CDIN1: variants seen among roughly 807,000 people sequenced by gnomAD.
CDIN1 encodes CDAN1-interacting nuclease 1.
A neutral mutation model predicts 45.3 loss-of-function variants in CDIN1; 33 were observed. The observed-to-expected ratio is 0.73, with a 90% CI of 0.55 to 0.97. CDIN1 has a LOEUF of 0.97. Among genes scored for constraint, CDIN1 ranks in the 50% least tolerant of loss-of-function variants. CDIN1 has a pLI of 0.00. For synonymous variants in CDIN1, 118 were observed against 124.4 expected (o/e 0.95, Z 0.34); for missense variants, 303 against 339.4 (o/e 0.89, Z 0.84).
intron 10 of CDIN1, chr15:36,756,183 G>A: frequency 2.2e-6 from 1 of 454,144 alleles, no homozygotes; most frequent in Non-Finnish European, 4.4e-6. Flanking sequence ...GAAGAGAACT[G>A]TAATTATCTT....
chr15:36,800,909 GTATATATATATATATATATA>G (rs370036091), intron 10 of CDIN1, among the ~76,000 whole-genome samples: 693 of 22,422 alleles, frequency 0.031, 22 homozygotes, highest in Middle Eastern at 0.1. Flanking sequence ...GTGTGTGTGT[GTATATATATATATATATATA>G]TATATATATA....
chr15:36,750,388 C>G (rs1269624544), intron 10 of CDIN1, among the ~76,000 whole-genome samples: 1 of 152,140 alleles, frequency 6.6e-6, no homozygotes, highest in African/African-American at 2.4e-5. Context: ...CTCTAGGAAA[C>G]TGAAAGCATT....
At chr15:36,650,900 T>C (rs957933546) in intron 3 of CDIN1, among the ~76,000 whole-genome samples, 1 of 151,976 alleles carries the variant, frequency 6.6e-6, no homozygotes, top group East Asian at 1.9e-4. Context: ...CTATCTCTAC[T>C]AAAAGCACAA....
chr15:36,692,224 CAGT>C (rs1193275897), intron 7 of CDIN1, 49 bp downstream of exon 7: 1 of 1,542,710 alleles, frequency 6.5e-7, no homozygotes. Flanking sequence ...AGCTTAGACT[CAGT>C]GGAGATGTGT....
intron 3 of CDIN1, among the ~76,000 whole-genome samples, chr15:36,650,341 A>G (rs985434546): frequency 9.9e-5 from 15 of 152,214 alleles, no homozygotes; most frequent in African/African-American, 3.6e-4. Context: ...AGCTGTGTCT[A>G]TTTATATACA....
At chr15:36,590,471 T>C (rs1331608614) in intron 1 of CDIN1, among the ~76,000 whole-genome samples, 2 of 152,116 alleles carry the variant, frequency 1.3e-5, no homozygotes, top group Non-Finnish European at 2.9e-5. Flanking sequence ...TTCAATGAAA[T>C]ATGTAAGTAC....
At chr15:36,784,500 A>G (rs2054437358) in intron 10 of CDIN1, among the ~76,000 whole-genome samples, 2 of 152,240 alleles carry the variant, frequency 1.3e-5, no homozygotes, top group African/African-American at 4.8e-5. Flanking sequence ...AAAAGGTGTA[A>G]TAATCACTGG....
intron 1 of CDIN1, chr15:36,614,084 G>C (rs1331359670): frequency 1.1e-5 from 10 of 882,476 alleles, no homozygotes; most frequent in Middle Eastern, 2.2e-4. Flanking sequence ...TGAGTTTGCT[G>C]AGAGATCGGT....
Position 36,700,968 on chromosome 15 carries a change from G to T in CDIN1, c.544+3578G>T, listed in dbSNP as rs147740625. On this transcript the variant is annotated intron_variant, in intron 8 of 10. Transcript: ENST00000566621. ...ACCTGTAGTACCAGCTACTTGGGAGGCCAAAGTGGCAGGATCACTTAAGCC... is the reference window on the plus strand; with the variant it reads ...ACCTGTAGTACCAGCTACTTGGGAGTCCAAAGTGGCAGGATCACTTAAGCC... Among the ~76,000 whole-genome samples, 931 of 152,014 alleles carry T rather than the reference G, an allele frequency of 6.1e-3. 17 individuals are homozygous for T. Among genetic ancestry groups the T allele is most frequent in the Admixed American group, 0.042 (641 of 15,250 alleles).
chr15:36,788,696 T>C (rs1002560050), intron 10 of CDIN1, among the ~76,000 whole-genome samples: 1 of 76,860 alleles, frequency 1.3e-5, no homozygotes, highest in African/African-American at 3.0e-5. Context: ...TATATCAAAT[T>C]TGTAGCATTT....
chr15:36,695,006 T>A (rs1243119148), intron 7 of CDIN1, among the ~76,000 whole-genome samples: 1 of 152,208 alleles, frequency 6.6e-6, no homozygotes, highest in Non-Finnish European at 1.5e-5. Flanking sequence ...TAAAAATGTG[T>A]TCCTTTATTT....
intron 10 of CDIN1, among the ~76,000 whole-genome samples, chr15:36,782,910 C>T (rs1656105130): frequency 6.6e-6 from 1 of 152,272 alleles, no homozygotes; most frequent in Non-Finnish European, 1.5e-5. Context: ...GCCAGCCAGA[C>T]ATGGTGGACT....
At chr15:36,582,521 T>G (rs2037095146) in intron 1 of CDIN1, among the ~76,000 whole-genome samples, 1 of 152,236 alleles carries the variant, frequency 6.6e-6, no homozygotes, top group African/African-American at 2.4e-5. Flanking sequence ...TGTTTTATGC[T>G]CAGGAGCTGG....
intron 10 of CDIN1, among the ~76,000 whole-genome samples, chr15:36,785,100 T>C (rs570090098): frequency 1.4e-4 from 22 of 152,316 alleles, no homozygotes; most frequent in African/African-American, 5.3e-4. Flanking sequence ...AAAGGGCCTC[T>C]GTGGTTCTTA....
chr15:36,795,294 A>G (rs918616802), intron 10 of CDIN1, among the ~76,000 whole-genome samples: 6 of 152,258 alleles, frequency 3.9e-5, no homozygotes, highest in African/African-American at 1.4e-4. Context: ...GAGAAAACCT[A>G]AAGTGTTCCT....
At chr15:36,636,836 G>A (rs1299946041) in intron 1 of CDIN1, among the ~76,000 whole-genome samples, 2 of 152,174 alleles carry the variant, frequency 1.3e-5, no homozygotes, top group African/African-American at 4.8e-5. Context: ...CATTGAGGAG[G>A]CAGCATGGTT....
At chr15:36,596,139 AAAT>A (rs2037819005) in intron 1 of CDIN1, among the ~76,000 whole-genome samples, 1 of 152,108 alleles carries the variant, frequency 6.6e-6, no homozygotes, top group Admixed American at 6.5e-5. Flanking sequence ...TGCTAACAAA[AAAT>A]ATATTTAGTA....
At chr15:36,598,127 A>G (rs1272141500) in intron 1 of CDIN1, among the ~76,000 whole-genome samples, 1 of 152,084 alleles carries the variant, frequency 6.6e-6, no homozygotes, top group African/African-American at 2.4e-5. Flanking sequence ...AGTAGTTGGG[A>G]CTACAGGCGT....
intron 10 of CDIN1, among the ~76,000 whole-genome samples, chr15:36,741,084 G>A (rs72706800): frequency 0.16 from 24,603 of 152,014 alleles, 2,388 homozygotes; most frequent in East Asian, 0.29. Context: ...ATATAGGTGT[G>A]GACCACCACA....
Sources: allele counts gnomAD v4.1 joint callset (sites outside exome capture counted in the v4.1 genomes callset), GRCh38; gene constraint gnomAD v4.1.1; transcripts MANE v1.5; gene names NCBI Gene and HGNC (gene_info 2026-07-23, HGNC 2026-07-21).